UBTF: variants seen among roughly 807,000 people sequenced by gnomAD.
UBTF encodes the protein nucleolar transcription factor 1.
UBTF carries 8 observed loss-of-function variants against 112.3 expected under a neutral mutation model. The observed-to-expected ratio is 0.07, with a 90% confidence interval of 0.04 to 0.13. The LOEUF is 0.13. Among genes scored for constraint, UBTF ranks in the 10% least tolerant of loss-of-function variants. The pLI is 1.00. For missense variants in UBTF, 457 were observed against 982.1 expected, an observed-to-expected ratio of 0.47 and a Z score of 7.15; for synonymous variants, 417 against 373.1, an observed-to-expected ratio of 1.12 and a Z score of -1.36.
In UBTF at chr17:44,207,100, A is replaced by ATT. The variant is rs374363130; in HGVS notation, c.*140_*141dup. 185 of 803,468 alleles carry ATT rather than the reference A, an allele frequency of 2.3e-4. No individual in the cohort carries two copies. The highest frequency in any genetic ancestry group is 3.2e-4 in the African/African-American group (17 of 53,590). 49.8% of individuals were successfully genotyped at this position (803,468 alleles called of 1,614,324 possible). ...TCCTCCAGCCCCCTACCCCCACCGT[A>ATT]TTTTTTTTTTTTTTTAAAGAAAGAA... On this transcript the variant is annotated 3_prime_UTR_variant, in exon 21 of 21. Coordinates refer to ENST00000436088, the MANE Select transcript of UBTF (RefSeq NM_014233.4).
At position 44,210,432 on chromosome 17, in the gene UBTF, C is replaced by A. The variant is rs764955317; in HGVS notation, c.1401G>T (p.Ser467=). 1 of 1,613,736 alleles carries A rather than the reference C, an allele frequency of 6.2e-7. No individual in the cohort carries two copies. Among genetic ancestry groups the A allele is most frequent in the Non-Finnish European group, 8.5e-7 (1 of 1,179,996 alleles). Residue 467 remains serine (S), a synonymous_variant, in exon 14 of 21, where the codon TCG becomes TCT. Coordinates refer to ENST00000436088, the MANE Select transcript of UBTF (RefSeq NM_014233.4). The stretch of plus-strand genomic sequence containing the variant: ...CGCGCTCCCCGCCGGGCTTCCTCTC[C>A]GACTGAGCCTTGAGCGCCGCCTCTC... ...KAREAALKAQ[S]ERKPGGEREE... is the part of the protein sequence containing the mutation.
intron 5 of UBTF, 101 bp from the exon 6 acceptor site, chr17:44,213,383 A>G: frequency 3.9e-6 from 5 of 1,292,226 alleles, no homozygotes; most frequent in Non-Finnish European, 4.3e-6. Flanking sequence ...TCTGCCTCCC[A>G]CGCTGTGATG....
chr17:44,206,413 T>TACACACACACACACAC lies in UBTF; in HGVS notation c.*813_*828dup, dbSNP rs3837836. The TACACACACACACACAC allele has an allele frequency of 2.5e-4, 36 of 146,820 alleles. No individual in the cohort carries two copies. The highest frequency in any genetic ancestry group is 9.2e-4 in the African/African-American group (36 of 39,138). The allele number at this position is 146,820 out of a possible 1,614,324, so 9.1% of individuals were successfully genotyped here. ...ATGTGGGCTCTAGGACAGACCCCTTTACACACACACACACACACTCACACT... is the reference window on the plus strand; with the variant it reads ...ATGTGGGCTCTAGGACAGACCCCTTTACACACACACACACACACACACACACACACACACTCACACT... On this transcript the variant is annotated 3_prime_UTR_variant, in exon 21 of 21. Coordinates refer to ENST00000436088, the MANE Select transcript of UBTF (RefSeq NM_014233.4).
At chr17:44,218,044 A>G (rs1212103380) in intron 2 of UBTF, 128 bp downstream of exon 2, 4 of 963,822 alleles carry the variant, frequency 4.2e-6, no homozygotes, top group Non-Finnish European at 6.4e-6. Flanking sequence ...ATTCATAAAT[A>G]CTCAAGGCAC....
intron 13 of UBTF, 55 bp from the exon 14 acceptor site, chr17:44,210,528 C>T: frequency 6.7e-6 from 10 of 1,499,100 alleles, no homozygotes; most frequent in Non-Finnish European, 8.8e-6. Context: ...GGCGCGCGCT[C>T]CCCGCGCAGC....
chr17:44,208,005 T>G, intron 17 of UBTF, 94 bp from the exon 18 acceptor site: 1 of 1,520,272 alleles, frequency 6.6e-7, no homozygotes, highest in South Asian at 1.2e-5. Context: ...TGAGCATTTA[T>G]ATATCATCAC....
Position 44,215,993 on chromosome 17 carries a change from G to A in UBTF, c.235-4C>T. On this transcript the variant is annotated splice_polypyrimidine_tract_variant and splice_region_variant and intron_variant, in intron 3 of 20. Coordinates refer to ENST00000436088, the MANE Select transcript of UBTF (RefSeq NM_014233.4). ...TCAATGTACGGAACTTCCTCACCTG[G>A]AGGAAGAGGGGTGGGAGGAAGGGGA... The A allele has an allele frequency of 6.2e-7, 1 of 1,613,072 alleles. No individual in the cohort carries two copies. The highest frequency in any genetic ancestry group is 8.5e-7 in the Non-Finnish European group (1 of 1,179,100).
chr17:44,210,991 A>T, intron 12 of UBTF, 44 bp from the exon 13 acceptor site: 1 of 1,600,292 alleles, frequency 6.2e-7, no homozygotes. Context: ...GCTGCCAGGG[A>T]GCCCAGTCTT....
chr17:44,209,216 C>A, intron 17 of UBTF, 136 bp downstream of exon 17: 1 of 890,554 alleles, frequency 1.1e-6, no homozygotes. Context: ...GACCGTTATC[C>A]TGAAGGATTG....
At position 44,209,296 on chromosome 17, in the gene UBTF, G is replaced by A. The variant is rs774125989; in HGVS notation, c.1905+56C>T. ...TGGGTGGATGGGCCAGGCTAGGATGGTGCTGGCTTAGTCTGATGCCTCTCT... is the reference window on the plus strand; with the variant it reads ...TGGGTGGATGGGCCAGGCTAGGATGATGCTGGCTTAGTCTGATGCCTCTCT... On this transcript the variant is annotated intron_variant, in intron 17 of 20. Coordinates refer to ENST00000436088, the MANE Select transcript of UBTF (RefSeq NM_014233.4). The A allele has an allele frequency of 5.8e-4, 889 of 1,528,616 alleles. 3 individuals carry two copies. The highest frequency in any genetic ancestry group is 6.9e-4 in the Non-Finnish European group (787 of 1,133,516). The allele number at this position is 1,528,616 out of a possible 1,614,324, so 94.7% of individuals were successfully genotyped here.
At chr17:44,209,116 C>CGG in intron 17 of UBTF, 1 of 408,976 alleles carries the variant, frequency 2.4e-6, no homozygotes. Flanking sequence ...TTGCAGTGAG[C>CGG]CGAGACTACA....
chr17:44,220,348 G>C (rs1167360874), upstream of UBTF, among the ~76,000 whole-genome samples: 2 of 151,838 alleles, frequency 1.3e-5, no homozygotes, highest in African/African-American at 2.4e-5. Flanking sequence ...AGGGCTTCCA[G>C]GCCAGCTCTC....
rs1344058547 is a variant in UBTF, at chr17:44,205,749, T to C, written c.*1493A>G. ...GGAAAAGCACCAAGCCCCAATTTAA[T>C]AGGTCAGTGACATGACCATAAAAAA... On this transcript the variant is annotated 3_prime_UTR_variant, in exon 21 of 21. Coordinates refer to ENST00000436088, the MANE Select transcript of UBTF (RefSeq NM_014233.4). The C allele has an allele frequency of 2.0e-5, 3 of 152,178 alleles. No homozygotes were observed. Among genetic ancestry groups the C allele is most frequent in the Middle Eastern group, 3.2e-3 (1 of 316 alleles). The allele number at this position is 152,178 out of a possible 1,614,324, so 9.4% of individuals were successfully genotyped here. A position where few individuals can be genotyped will look rare whatever the true frequency, so the allele number is the denominator to read the frequency against.
At chr17:44,220,574 G>C (rs983919225), upstream of UBTF, among the ~76,000 whole-genome samples, 1 of 152,096 alleles carries the variant, frequency 6.6e-6, no homozygotes, top group Non-Finnish European at 1.5e-5. Context: ...TTACACCCCG[G>C]AAACGGCAAG....
rs2046822310 is a variant in UBTF, at chr17:44,215,928, G to A, written c.296C>T (p.Pro99Leu). 1.9e-6 allele frequency: 3 copies of A among 1,613,950 alleles called. No individual in the cohort carries two copies. The highest frequency in any genetic ancestry group is 1.3e-5 in the African/African-American group (1 of 74,870). ...ILDAQEHVKN[P>L]YKGKKLKKHP... is the part of the protein sequence containing the mutation. Reference sequence around the variant, plus strand: ...CACCTTGAGTTTTTTGCCTTTGTAAGGATTTTTAACATGTTCCTGAGCATC... The same window carrying A: ...CACCTTGAGTTTTTTGCCTTTGTAAAGATTTTTAACATGTTCCTGAGCATC... The change falls in exon 4 of 21, where the codon CCT (proline) becomes CTT (leucine). Residue 99 changes from proline (P) to leucine (L), a missense_variant. By Grantham distance (98) the Pro-to-Leu change is moderately conservative (BLOSUM62 -3). This residue lies in a region of UBTF where 26 missense variants were observed against 132.9 expected (regional missense o/e 0.20). Coordinates refer to ENST00000436088, the MANE Select transcript of UBTF (RefSeq NM_014233.4).
rs1040610833 is a variant in UBTF, at chr17:44,218,828, C to T, written c.-67-532G>A. Among the ~76,000 whole-genome samples the T allele has an allele frequency of 2.0e-5, 3 of 150,584 alleles. No individual in the cohort carries two copies. The South Asian group carries it at 6.2e-4, about 31-fold the overall frequency. ...GCCGCCAGCCCCGGAGCGGAGCGGCCGCACCGCCCCCGGGGACCGGATCCG... is the reference window on the plus strand; with the variant it reads ...GCCGCCAGCCCCGGAGCGGAGCGGCTGCACCGCCCCCGGGGACCGGATCCG... On this transcript the variant is annotated intron_variant, in intron 1 of 20. Transcript: ENST00000436088.
intron 2 of UBTF, among the ~76,000 whole-genome samples, chr17:44,217,690 G>A (rs2046915009): frequency 6.6e-6 from 1 of 152,170 alleles, no homozygotes; most frequent in South Asian, 2.1e-4. Context: ...ATCTAGACTG[G>A]ATCACTGCTG....
chr17:44,219,437 T>C lies in UBTF; in HGVS notation c.-68+8A>G, dbSNP rs1352762234. ...ACCCCAGCGCGCGTCCTCAGCCGCCTCGGTTACCCGGCGCAGCGCGGCCTC... is the reference window on the plus strand; with the variant it reads ...ACCCCAGCGCGCGTCCTCAGCCGCCCCGGTTACCCGGCGCAGCGCGGCCTC... On this transcript the variant is annotated splice_region_variant and intron_variant, in intron 1 of 20. Coordinates refer to ENST00000436088, the MANE Select transcript of UBTF (RefSeq NM_014233.4). 1.3e-5 allele frequency: 2 copies of C among 150,594 alleles called. No individual in the cohort carries two copies. Among genetic ancestry groups the C allele is most frequent in the African/African-American group, 2.5e-5 (1 of 40,728 alleles). The allele number at this position is 150,594 out of a possible 1,614,324, so 9.3% of individuals were successfully genotyped here. A position where few individuals can be genotyped will look rare whatever the true frequency, so the allele number is the denominator to read the frequency against.
intron 15 of UBTF, 46 bp downstream of exon 15, chr17:44,210,078 G>C (rs1293340192): frequency 1.2e-6 from 2 of 1,601,412 alleles, no homozygotes; most frequent in Non-Finnish European, 1.7e-6. Context: ...CCAAAGGGGA[G>C]TTCCCGAGCT....
Sources: gnomAD v4.1 joint callset for allele counts (sites outside exome capture counted in the v4.1 genomes callset) on GRCh38, gnomAD v4.1.1 for gene constraint, gnomAD v4.1.1 regional missense constraint, MANE v1.5 for transcripts, NCBI Gene and HGNC (gene_info 2026-07-23, HGNC 2026-07-21) for gene names.